The following HUNK variants were observed in gnomAD, a reference collection of about 807,000 sequenced individuals.
The protein encoded by HUNK is hormonally up-regulated Neu-associated kinase.
Under a neutral mutation model 61.0 loss-of-function variants are expected in HUNK, and 21 were observed. The ratio of observed to expected loss-of-function variants is 0.34; its 90% CI spans 0.24 to 0.50. The LOEUF (loss-of-function observed/expected upper bound fraction) is 0.50. Among genes scored for constraint, HUNK ranks in the 20% least tolerant of loss-of-function variants. The pLI is 0.98. For synonymous variants in HUNK, 371 were observed against 386.1 expected (o/e 0.96, Z 0.46); for missense variants, 772 against 945.7 (o/e 0.82, Z 2.41).
chr21:31,907,207 CG>C, intron 1 of HUNK, among the ~76,000 whole-genome samples: 1 of 151,928 alleles, frequency 6.6e-6, no homozygotes, highest in East Asian at 1.9e-4. Context: ...GTGCTTTGTC[CG>C]AACTGAGATG....
rs746927543 is a variant in HUNK at position 31,998,684 on chromosome 21, C to A, written c.1645C>A (p.His549Asn). 1.2e-6 allele frequency: 2 copies of A among 1,614,170 alleles called. No individual in the cohort carries two copies. The highest frequency in any genetic ancestry group is 1.1e-5 in the South Asian group (1 of 91,074). ...QPGPGSTGIPHKEDPLMLDMV... is the reference protein window; with the variant it reads ...QPGPGSTGIPNKEDPLMLDMV... ...AGGGCCCGGAAGCACTGGCATCCCC[C>A]ACAAGGAAGACCCCCTGATGCTGGA... The change falls in exon 11 of 11, where the codon CAC (histidine) becomes AAC (asparagine). Residue 549 changes from histidine (H) to asparagine (N), a missense_variant. His to Asn is a moderately conservative substitution (Grantham distance 68). Around this residue, in one of 2 missense-constraint regions of HUNK, gnomAD observed 413 missense variants for 444.4 expected, o/e 0.93. Transcript: ENST00000270112.
chr21:31,948,730 A>G (rs529783156), intron 4 of HUNK, among the ~76,000 whole-genome samples: 4 of 152,266 alleles, frequency 2.6e-5, no homozygotes, highest in African/African-American at 9.6e-5. Context: ...CCAGGGAAAC[A>G]GAAGCTGGAA....
At chr21:31,996,794 C>T (rs34883267) in intron 10 of HUNK, among the ~76,000 whole-genome samples, 14,442 of 152,196 alleles carry the variant, frequency 0.095, 962 homozygotes, top group Non-Finnish European at 0.15. Context: ...AGTCCCTGAG[C>T]GGGACTTGAA....
At chr21:31,933,623 A>G (rs1275268071) in intron 2 of HUNK, among the ~76,000 whole-genome samples, 2 of 152,090 alleles carry the variant, frequency 1.3e-5, no homozygotes, top group Non-Finnish European at 2.9e-5. Context: ...CGTCTCTACT[A>G]AAAACACAAA....
chr21:31,945,382 TC>T (rs2052795029), intron 3 of HUNK, among the ~76,000 whole-genome samples: 1 of 152,136 alleles, frequency 6.6e-6, no homozygotes, highest in African/African-American at 2.4e-5. Context: ...TGCCATGAGG[TC>T]GCTTAGTCTA....
intron 1 of HUNK, among the ~76,000 whole-genome samples, chr21:31,882,169 C>CA (rs111717052): frequency 0.016 from 2,374 of 151,550 alleles, 53 homozygotes; most frequent in African/African-American, 0.054. Flanking sequence ...TTCTCATGGA[C>CA]AAAAAAAACT....
rs573495952 is a variant in HUNK at position 31,985,428 on chromosome 21, G to A, written c.1257+1819G>A. 1.5e-3 allele frequency among the ~76,000 whole-genome samples: 234 copies of A among 152,328 alleles called. 1 individual carries two copies. The highest frequency in any genetic ancestry group is 2.9e-3 in the Non-Finnish European group (194 of 68,028). On this transcript the variant is annotated intron_variant, in intron 8 of 10. Coordinates refer to ENST00000270112, the MANE Select transcript of HUNK (RefSeq NM_014586.2). ...CTCCTAGGCAGCCAGTGAAGCAGGTGTCCAGAGACACTGATGACAGGGAGT... is the reference window on the plus strand; with the variant it reads ...CTCCTAGGCAGCCAGTGAAGCAGGTATCCAGAGACACTGATGACAGGGAGT...
At chr21:31,925,960 C>T (rs192423668) in intron 2 of HUNK, among the ~76,000 whole-genome samples, 41 of 150,178 alleles carry the variant, frequency 2.7e-4, no homozygotes, top group African/African-American at 8.8e-4. Context: ...CTCGCTTTGT[C>T]GCCCAGGCTG....
At chr21:31,878,360 A>G (rs563977999) in intron 1 of HUNK, among the ~76,000 whole-genome samples, 1 of 152,240 alleles carries the variant, frequency 6.6e-6, no homozygotes, top group East Asian at 1.9e-4. Flanking sequence ...TCTAATACAG[A>G]CATTATAAAT....
chr21:31,978,796 G>T (rs1228808102), intron 7 of HUNK, among the ~76,000 whole-genome samples: 1 of 152,104 alleles, frequency 6.6e-6, no homozygotes, highest in East Asian at 1.9e-4. Context: ...TGGGGTGGGG[G>T]TGCATATGTG....
At chr21:31,919,230 T>C (rs1047874671) in intron 1 of HUNK, among the ~76,000 whole-genome samples, 6 of 134,768 alleles carry the variant, frequency 4.5e-5, no homozygotes, top group African/African-American at 1.6e-4. Flanking sequence ...ATGAGTGGTA[T>C]GAGGATGAGG....
Position 32,000,801 on chromosome 21 carries a change from C to T in HUNK, c.*1617C>T, listed in dbSNP as rs374721736. On this transcript the variant is annotated 3_prime_UTR_variant, in exon 11 of 11. Coordinates refer to ENST00000270112, the MANE Select transcript of HUNK (RefSeq NM_014586.2). ...TGACATCCTTCAGTCCCTCACATCT[C>T]TGACAGAGCGGGACAGAATGGATAT... The T allele has an allele frequency of 5.4e-4, 215 of 398,554 alleles. No homozygotes were observed. Among genetic ancestry groups the T allele is most frequent in the African/African-American group, 4.2e-3 (204 of 48,756 alleles). 24.7% of individuals were successfully genotyped at this position (398,554 alleles called of 1,614,324 possible).
At chr21:31,975,883 G>A (rs548451096) in intron 7 of HUNK, among the ~76,000 whole-genome samples, 16 of 152,286 alleles carry the variant, frequency 1.1e-4, no homozygotes, top group South Asian at 6.2e-4. Flanking sequence ...TTTGGGAGCC[G>A]TCTAGAAAAC....
chr21:31,969,672 G>A (rs1333895087), intron 6 of HUNK, among the ~76,000 whole-genome samples: 2 of 151,450 alleles, frequency 1.3e-5, no homozygotes, highest in Non-Finnish European at 2.9e-5. Context: ...GCTCAAGGGA[G>A]TCTCCCACCT....
chr21:31,920,561 C>T (rs553494238), intron 1 of HUNK, among the ~76,000 whole-genome samples: 162 of 152,184 alleles, frequency 1.1e-3, no homozygotes, highest in Non-Finnish European at 1.7e-3. Flanking sequence ...CTTTTTTCTC[C>T]ACCTCCCCAA....
chr21:31,924,569 C>T lies in HUNK; in HGVS notation c.363C>T (p.Pro121=). 2 of 1,614,170 alleles carry T rather than the reference C, an allele frequency of 1.2e-6. No individual in the cohort carries two copies. Among genetic ancestry groups the T allele is most frequent in the South Asian group, 2.2e-5 (2 of 91,074 alleles). ...AGATCCAGCAGATGATCCGCCACCC[C>T]AATATCACTCAGCTCCTTGATATTT... The part of the protein sequence containing the change: ...EGQIQQMIRH[P]NITQLLDILE... Residue 121 remains proline, a synonymous_variant, in exon 2 of 11, where the codon CCC becomes CCT. Coordinates refer to ENST00000270112, the MANE Select transcript of HUNK (RefSeq NM_014586.2). This position sits in a 1 kb window ranked among gnomAD's most constrained non-coding sequence, Gnocchi z 5.1.
chr21:31,936,628 T>A (rs1193687483), intron 2 of HUNK, among the ~76,000 whole-genome samples: 3 of 152,206 alleles, frequency 2.0e-5, no homozygotes, highest in African/African-American at 7.2e-5. Context: ...GGGAAGATAG[T>A]GACTTTGAAC....
intron 8 of HUNK, among the ~76,000 whole-genome samples, chr21:31,989,581 G>T (rs1260907406): frequency 6.6e-6 from 1 of 152,096 alleles, no homozygotes; most frequent in East Asian, 1.9e-4. Flanking sequence ...GGGTGTGGTG[G>T]TGCACGCCTG....
intron 1 of HUNK, among the ~76,000 whole-genome samples, chr21:31,884,721 G>A (rs2052333762): frequency 6.6e-6 from 1 of 152,148 alleles, no homozygotes; most frequent in Non-Finnish European, 1.5e-5. Flanking sequence ...TGGATCTGCA[G>A]GTGTGTTAGG....
Sources: gnomAD v4.1 joint callset for allele counts (sites outside exome capture counted in the v4.1 genomes callset) on GRCh38, gnomAD v4.1.1 for gene constraint, gnomAD v4.1.1 regional missense constraint, Gnocchi (gnomAD v3.1) non-coding constraint, MANE v1.5 for transcripts, NCBI Gene and HGNC (gene_info 2026-07-23, HGNC 2026-07-21) for gene names.